TNFAIP8L3: variants seen among roughly 807,000 people sequenced by gnomAD.
The protein encoded by TNFAIP8L3 is TNF alpha induced protein 8 like 3.
TNFAIP8L3 carries 7 observed loss-of-function variants against 11.8 expected under a neutral mutation model. The observed-to-expected ratio is 0.59, with a 90% CI of 0.34 to 1.11. TNFAIP8L3 has a LOEUF of 1.11. TNFAIP8L3 is among the 50% of genes most tolerant of loss of function. The pLI is 0.03. For missense variants in TNFAIP8L3, 219 were observed against 258.6 expected (o/e 0.85, Z 1.05); for synonymous variants, 98 against 103.8 (o/e 0.94, Z 0.34).
chr15:51,084,521 CTGTAAACTAGG>C (rs2065413706), intron 1 of TNFAIP8L3, among the ~76,000 whole-genome samples: 1 of 152,200 alleles, frequency 6.6e-6, no homozygotes, highest in Non-Finnish European at 1.5e-5. Flanking sequence ...GTTTCTTCAT[CTGTAAACTAGG>C]AATGATAATA....
intron 1 of TNFAIP8L3, among the ~76,000 whole-genome samples, chr15:51,074,005 G>A (rs1377757045): frequency 6.6e-6 from 1 of 152,044 alleles, no homozygotes; most frequent in Non-Finnish European, 1.5e-5. Context: ...ATATTCCCAG[G>A]ATAAGCCCTA....
intron 1 of TNFAIP8L3, among the ~76,000 whole-genome samples, chr15:51,066,354 G>A (rs1181246943): frequency 6.6e-6 from 1 of 151,954 alleles, no homozygotes; most frequent in African/African-American, 2.4e-5. Context: ...GTAGAGACGG[G>A]GTTTCAACAT....
At chr15:51,065,949 G>A (rs2065268122) in intron 1 of TNFAIP8L3, among the ~76,000 whole-genome samples, 1 of 152,066 alleles carries the variant, frequency 6.6e-6, no homozygotes, top group Non-Finnish European at 1.5e-5. Context: ...TCAAGGCAGG[G>A]GACCCAAAAG....
chr15:51,104,969 A>G, intron 1 of TNFAIP8L3: 1 of 1,613,478 alleles, frequency 6.2e-7, no homozygotes, highest in Non-Finnish European at 8.5e-7. Flanking sequence ...CCGCCCCTAT[A>G]CTTCCTTCTC....
rs573322385 is a variant in TNFAIP8L3, at chr15:51,101,663, T to A, written c.172+3342A>T. Reference sequence around the variant, plus strand: ...GAAAGAAAGAAAGACAGAAAATATGTAGGCTGGGCGCCGTGGCTGAAGCCT... The same window carrying A: ...GAAAGAAAGAAAGACAGAAAATATGAAGGCTGGGCGCCGTGGCTGAAGCCT... On this transcript the variant is annotated intron_variant, in intron 1 of 2. Coordinates refer to the TNFAIP8L3 transcript ENST00000327536. 1.0e-3 allele frequency among the ~76,000 whole-genome samples: 151 copies of A among 149,420 alleles called. 1 individual carries two copies. The highest frequency in any genetic ancestry group is 3.7e-3 in the African/African-American group (149 of 40,646).
At chr15:51,079,476 A>C (rs2065376522) in intron 1 of TNFAIP8L3, among the ~76,000 whole-genome samples, 1 of 152,166 alleles carries the variant, frequency 6.6e-6, no homozygotes, top group African/African-American at 2.4e-5. Flanking sequence ...TCATTGCTTG[A>C]ATGCATGGCT....
chr15:51,099,199 GAGA>G, upstream of TNFAIP8L3, among the ~76,000 whole-genome samples: 1 of 152,302 alleles, frequency 6.6e-6, no homozygotes, highest in Non-Finnish European at 1.5e-5. Flanking sequence ...GGAGGTTTAG[GAGA>G]AGAATGCAAA....
At position 51,105,021 on chromosome 15, in the gene TNFAIP8L3, C is replaced by A. The variant is rs758667056; in HGVS notation, c.156G>T (p.Gln52His). 54 of 1,614,076 alleles carry A rather than the reference C, an allele frequency of 3.3e-5. No individual in the cohort carries two copies. Among genetic ancestry groups the A allele is most frequent in the Non-Finnish European group, 4.4e-5 (52 of 1,180,042 alleles). The change falls in exon 1 of 3, where the codon CAG becomes CAT. Residue 52 changes from glutamine to histidine, a missense_variant. Transcript: ENST00000327536. ...AGTGCTGACCAAGTCCCTTTCCCCT[C>A]TGAAGATGAAAAGATAAGGGGATGA...
At chr15:51,076,040 T>C (rs17522120) in intron 1 of TNFAIP8L3, among the ~76,000 whole-genome samples, 26,176 of 151,970 alleles carry the variant, frequency 0.17, 2,469 homozygotes, top group Middle Eastern at 0.22. Context: ...GAAATATGAA[T>C]CCTGAACAAT....
chr15:51,070,651 T>C (rs2065301599), intron 1 of TNFAIP8L3, among the ~76,000 whole-genome samples: 1 of 152,206 alleles, frequency 6.6e-6, no homozygotes, highest in African/African-American at 2.4e-5. Context: ...CCTGCCACAC[T>C]GAGCTGCGAT....
intron 1 of TNFAIP8L3, among the ~76,000 whole-genome samples, chr15:51,103,079 T>C (rs113946994): frequency 2.0e-5 from 3 of 152,230 alleles, no homozygotes; most frequent in African/African-American, 7.2e-5. Flanking sequence ...TTTCCATTCC[T>C]CTCTTCTATC....
chr15:51,101,457 A>C (rs2065549755), intron 1 of TNFAIP8L3, among the ~76,000 whole-genome samples: 1 of 152,204 alleles, frequency 6.6e-6, no homozygotes, highest in African/African-American at 2.4e-5. Context: ...CCCTGTCTCT[A>C]CTAAAAATAC....
chr15:51,092,179 G>A (rs1278338880), intron 1 of TNFAIP8L3, among the ~76,000 whole-genome samples: 1 of 152,174 alleles, frequency 6.6e-6, no homozygotes, highest in Non-Finnish European at 1.5e-5. Flanking sequence ...GGATGAGGAA[G>A]CAGCCCTTAT....
At chr15:51,099,860 A>G (rs2065538692), upstream of TNFAIP8L3, among the ~76,000 whole-genome samples, 2 of 152,198 alleles carry the variant, frequency 1.3e-5, no homozygotes, top group African/African-American at 4.8e-5. Context: ...GGTTTTCAGG[A>G]TGATAGGAAA....
chr15:51,103,683 C>A (rs189595100), intron 1 of TNFAIP8L3, among the ~76,000 whole-genome samples: 1 of 152,226 alleles, frequency 6.6e-6, no homozygotes, highest in Non-Finnish European at 1.5e-5. Flanking sequence ...CTGTGGTCTT[C>A]TATCCTTCCA....
rs138412674 is a variant in TNFAIP8L3 at position 51,083,129 on chromosome 15, G to A, written c.52+11415C>T. Among the ~76,000 whole-genome samples, 570 of 152,206 alleles carry A rather than the reference G, an allele frequency of 3.7e-3. 1 individual carries two copies. Among genetic ancestry groups the A allele is most frequent in the Middle Eastern group, 6.8e-3 (2 of 294 alleles). ...CTCCTGACTGGGCTACCTCTGCTTGGGAGGCTAGAGGGGAGTAAGGGATTC... is the reference window on the plus strand; with the variant it reads ...CTCCTGACTGGGCTACCTCTGCTTGAGAGGCTAGAGGGGAGTAAGGGATTC... On this transcript the variant is annotated intron_variant, in intron 1 of 1. Transcript: ENST00000637513.
rs1437330379 is a variant in TNFAIP8L3 at position 51,104,501 on chromosome 15, A to T, written c.172+504T>A. Reference sequence around the variant, plus strand: ...CCCAGCCATGTCCTGCATCTGCGCCATGTCAGTCTGTTTCTGCTCTCTGCC... The same window carrying T: ...CCCAGCCATGTCCTGCATCTGCGCCTTGTCAGTCTGTTTCTGCTCTCTGCC... On this transcript the variant is annotated intron_variant, in intron 1 of 2. Coordinates refer to the TNFAIP8L3 transcript ENST00000327536. Among the ~76,000 whole-genome samples, 3 of 152,098 alleles carry T rather than the reference A, an allele frequency of 2.0e-5. No homozygotes were observed. In the East Asian group the frequency reaches 5.8e-4, roughly 29 times the overall value.
At chr15:51,104,968 T>C (rs759432023) in intron 1 of TNFAIP8L3, 1 of 1,613,758 alleles carries the variant, frequency 6.2e-7, no homozygotes, top group South Asian at 1.1e-5. Context: ...CCCGCCCCTA[T>C]ACTTCCTTCT....
chr15:51,059,293 T>C (rs970171248), intron 1 of TNFAIP8L3, among the ~76,000 whole-genome samples: 2 of 152,182 alleles, frequency 1.3e-5, no homozygotes, highest in Non-Finnish European at 2.9e-5. Context: ...ATGAGAGCAA[T>C]ATATGTTTAA....
Sources: allele counts gnomAD v4.1 joint callset (sites outside exome capture counted in the v4.1 genomes callset), GRCh38; gene constraint gnomAD v4.1.1; transcripts MANE v1.5; gene names NCBI Gene and HGNC (gene_info 2026-07-23, HGNC 2026-07-21).